NKAIN2: variants seen among roughly 807,000 people sequenced by gnomAD.
The protein encoded by NKAIN2 is sodium/potassium transporting ATPase interacting 2, also known as sodium/potassium-transporting ATPase subunit beta-1-interacting protein 2.
NKAIN2 carries 14 observed loss-of-function variants against 32.6 expected under a neutral mutation model. That is an observed-to-expected ratio of 0.43 (90% CI 0.28 to 0.67). NKAIN2 has a LOEUF of 0.67. Among genes scored for constraint, NKAIN2 ranks in the 30% least tolerant of loss-of-function variants. The probability of loss-of-function intolerance (pLI) is 0.17; values close to 1 mark genes in which losing one functional copy is unlikely to be tolerated. For synonymous variants in NKAIN2, 80 were observed against 87.2 expected, an observed-to-expected ratio of 0.92 and a Z score of 0.46; for missense variants, 198 against 258.3, an observed-to-expected ratio of 0.77 and a Z score of 1.60.
intron 3 of NKAIN2, among the ~76,000 whole-genome samples, chr6:124,385,409 C>T (rs1772852324): frequency 6.6e-6 from 1 of 152,062 alleles, no homozygotes; most frequent in Admixed American, 6.6e-5. Flanking sequence ...TCTACTAATG[C>T]AGCCAATCTC....
At chr6:123,905,245 G>A (rs1774807256) in intron 1 of NKAIN2, among the ~76,000 whole-genome samples, 1 of 151,902 alleles carries the variant, frequency 6.6e-6, no homozygotes, top group Admixed American at 6.6e-5. Flanking sequence ...CAAGCAAAAC[G>A]AACTCCCTTG....
intron 3 of NKAIN2, among the ~76,000 whole-genome samples, chr6:124,418,247 T>G (rs1009284963): frequency 2.6e-5 from 4 of 152,032 alleles, no homozygotes; most frequent in Admixed American, 2.0e-4. Flanking sequence ...CAGAGTAACT[T>G]GTAACAAACC....
At chr6:124,688,675 T>C (rs571667983) in intron 4 of NKAIN2, among the ~76,000 whole-genome samples, 128 of 152,226 alleles carry the variant, frequency 8.4e-4, no homozygotes, top group Non-Finnish European at 2.6e-4. Context: ...TACTGTTCCT[T>C]TTACTGTCTC....
intron 3 of NKAIN2, among the ~76,000 whole-genome samples, chr6:124,626,783 G>GGTAA (rs925418231): frequency 3.9e-5 from 6 of 152,176 alleles, no homozygotes; most frequent in South Asian, 2.1e-4. Flanking sequence ...TTCCTGAAGG[G>GGTAA]GTAAGTGGGG....
chr6:124,654,792 C>A (rs1247231305), intron 3 of NKAIN2, among the ~76,000 whole-genome samples: 2 of 152,128 alleles, frequency 1.3e-5, no homozygotes, highest in East Asian at 3.9e-4. Flanking sequence ...GTTCTACAAG[C>A]CACAGAATGC....
At chr6:124,314,615 C>G (rs940778764) in intron 2 of NKAIN2, among the ~76,000 whole-genome samples, 4 of 152,124 alleles carry the variant, frequency 2.6e-5, no homozygotes, top group Non-Finnish European at 5.9e-5. Flanking sequence ...TTGAGACAAT[C>G]TAGAGGCTGG....
chr6:124,075,938 A>G (rs1229250070), intron 1 of NKAIN2, among the ~76,000 whole-genome samples: 1 of 152,206 alleles, frequency 6.6e-6, no homozygotes, highest in East Asian at 1.9e-4. Context: ...TATGGAATAC[A>G]TGCACACACT....
At chr6:124,161,158 A>C (rs2114448412) in intron 1 of NKAIN2, among the ~76,000 whole-genome samples, 1 of 152,278 alleles carries the variant, frequency 6.6e-6, no homozygotes, top group South Asian at 2.1e-4. Context: ...CTGTACAGGA[A>C]GCAATGTGGC....
intron 3 of NKAIN2, among the ~76,000 whole-genome samples, chr6:124,599,318 G>T (rs1057073706): frequency 1.3e-5 from 2 of 151,966 alleles, no homozygotes; most frequent in Non-Finnish European, 2.9e-5. Flanking sequence ...GATAATAACT[G>T]ATTTTGAAAT....
intron 4 of NKAIN2, among the ~76,000 whole-genome samples, chr6:124,764,052 C>T (rs1354448963): frequency 6.6e-6 from 1 of 152,136 alleles, no homozygotes; most frequent in Non-Finnish European, 1.5e-5. Flanking sequence ...CAGTATTTCT[C>T]CAACTATAGT....
intron 1 of NKAIN2, among the ~76,000 whole-genome samples, chr6:123,929,190 A>C (rs893076637): frequency 1.3e-5 from 2 of 152,138 alleles, no homozygotes; most frequent in African/African-American, 4.8e-5. Flanking sequence ...TAAATAATTG[A>C]ATTTTGTGTT....
intron 1 of NKAIN2, among the ~76,000 whole-genome samples, chr6:124,264,609 T>A (rs1292288928): frequency 1.3e-5 from 2 of 152,194 alleles, no homozygotes; most frequent in Admixed American, 6.5e-5. Flanking sequence ...TAAATCTTAA[T>A]TACATTGTGG....
chr6:124,323,777 A>ATTTTCTTTTTTTT (rs1237658485), intron 2 of NKAIN2, among the ~76,000 whole-genome samples: 1 of 115,494 alleles, frequency 8.7e-6, no homozygotes, highest in African/African-American at 3.9e-5. Context: ...AATTCTTTTA[A>ATTTTCTTTTTTTT]TTTTTTCTTT....
At chr6:124,528,753 A>G (rs1779411973) in intron 3 of NKAIN2, among the ~76,000 whole-genome samples, 3 of 152,206 alleles carry the variant, frequency 2.0e-5, no homozygotes, top group African/African-American at 7.2e-5. Context: ...AACTGTACCT[A>G]TTACTTAAAC....
At chr6:124,634,426 T>A (rs1783693905) in intron 3 of NKAIN2, among the ~76,000 whole-genome samples, 1 of 151,890 alleles carries the variant, frequency 6.6e-6, no homozygotes, top group African/African-American at 2.4e-5. Context: ...CAAACAGAAA[T>A]CATATTTGAA....
intron 3 of NKAIN2, among the ~76,000 whole-genome samples, chr6:124,616,725 A>C (rs1782919139): frequency 6.6e-6 from 1 of 150,830 alleles, no homozygotes; most frequent in South Asian, 2.1e-4. Context: ...CGGCCTCCCA[A>C]ATGTTCTTAT....
intron 4 of NKAIN2, among the ~76,000 whole-genome samples, chr6:124,692,807 G>C (rs534914758): frequency 3.3e-5 from 5 of 151,918 alleles, no homozygotes; most frequent in South Asian, 2.1e-4. Flanking sequence ...ACAGAGCAAG[G>C]CTGTCTCAAA....
At chr6:124,033,234 G>T (rs1345602024) in intron 1 of NKAIN2, among the ~76,000 whole-genome samples, 2 of 152,116 alleles carry the variant, frequency 1.3e-5, no homozygotes, top group Non-Finnish European at 2.9e-5. Flanking sequence ...AAAGGGTGAA[G>T]ATTAGTGTTC....
chr6:124,179,813 C>G (rs1443546492), intron 1 of NKAIN2, among the ~76,000 whole-genome samples: 1 of 152,196 alleles, frequency 6.6e-6, no homozygotes, highest in Non-Finnish European at 1.5e-5. Flanking sequence ...CAAAGTACTC[C>G]TTGATTGCAA....
Sources: allele counts gnomAD v4.1 joint callset (sites outside exome capture counted in the v4.1 genomes callset), GRCh38; gene constraint gnomAD v4.1.1; transcripts MANE v1.5; gene names NCBI Gene and HGNC (gene_info 2026-07-23, HGNC 2026-07-21).